Variants in DCTN6 observed in about 807,000 individuals in gnomAD.
DCTN6 encodes the protein dynactin 6.
A neutral mutation model predicts 25.8 loss-of-function variants in DCTN6; 15 were observed. The ratio of observed to expected loss-of-function variants is 0.58; its 90% CI spans 0.39 to 0.89. DCTN6 has a LOEUF of 0.89. Ranked by LOEUF, DCTN6 falls within the 40% of genes least tolerant of loss-of-function variation. The pLI is 0.00. For missense variants in DCTN6, 198 were observed against 237.6 expected (o/e 0.83, Z 1.09); for synonymous variants, 64 against 78.3 (o/e 0.82, Z 0.96).
intron 1 of DCTN6, among the ~76,000 whole-genome samples, chr8:30,163,471 A>G (rs1803622863): frequency 6.6e-6 from 1 of 152,066 alleles, no homozygotes. Flanking sequence ...TGGCCATGTA[A>G]TAGTCCATAA....
intron 4 of DCTN6, among the ~76,000 whole-genome samples, chr8:30,178,878 A>G (rs1384954644): frequency 6.6e-6 from 1 of 152,112 alleles, no homozygotes; most frequent in African/African-American, 2.4e-5. Flanking sequence ...CTGGTCCTTG[A>G]ACCCCTAGGC....
chr8:30,178,653 T>C (rs1264606357), intron 4 of DCTN6, among the ~76,000 whole-genome samples: 3 of 149,810 alleles, frequency 2.0e-5, no homozygotes, highest in African/African-American at 7.3e-5. Context: ...TTTTTAAAGA[T>C]TTTTTTTTTA....
At chr8:30,168,127 G>A (rs1457583595) in intron 2 of DCTN6, among the ~76,000 whole-genome samples, 1 of 152,178 alleles carries the variant, frequency 6.6e-6, no homozygotes, top group Non-Finnish European at 1.5e-5. Context: ...ATACTGAGGA[G>A]AAAAACTCAA....
chr8:30,166,304 GT>G (rs981212198), intron 2 of DCTN6, among the ~76,000 whole-genome samples: 12 of 138,574 alleles, frequency 8.7e-5, no homozygotes, highest in Admixed American at 2.2e-4. Flanking sequence ...CCCCGTTTTG[GT>G]TTTTTTTTTC....
chr8:30,177,058 C>A, intron 3 of DCTN6, 68 bp from the exon 4 acceptor site: 1 of 1,290,406 alleles, frequency 7.7e-7, no homozygotes, highest in Non-Finnish European at 1.1e-6. Context: ...AACCCAAATT[C>A]GAAAATGGGA....
At chr8:30,168,473 C>T (rs1160514328) in intron 2 of DCTN6, among the ~76,000 whole-genome samples, 1 of 152,070 alleles carries the variant, frequency 6.6e-6, no homozygotes, top group Non-Finnish European at 1.5e-5. Flanking sequence ...CTTTATTTTT[C>T]ATTTTAGGGC....
intron 2 of DCTN6, among the ~76,000 whole-genome samples, chr8:30,165,062 G>C (rs1803647481): frequency 6.6e-6 from 1 of 152,184 alleles, no homozygotes; most frequent in South Asian, 2.1e-4. Context: ...ATATTGGATG[G>C]CAATGAGCAA....
chr8:30,178,470 T>TAA (rs201060800), intron 4 of DCTN6, among the ~76,000 whole-genome samples: 10 of 79,828 alleles, frequency 1.3e-4, no homozygotes, highest in South Asian at 3.4e-4. Flanking sequence ...TCAAAAAGAT[T>TAA]AAAAAAAAAA....
At chr8:30,175,278 C>T in intron 3 of DCTN6, 88 bp downstream of exon 3, 1 of 1,094,768 alleles carries the variant, frequency 9.1e-7, no homozygotes, top group Non-Finnish European at 1.3e-6. Flanking sequence ...TTTCAGCTGA[C>T]ATCCAGGAGG....
At position 30,180,598 on chromosome 8, in the gene DCTN6, T is replaced by C. The variant is rs756205238; in HGVS notation, c.442T>C (p.Cys148Arg). The C allele has an allele frequency of 1.1e-5, 17 of 1,614,038 alleles. No individual in the cohort carries two copies. The highest frequency in any genetic ancestry group is 1.3e-5 in the African/African-American group (1 of 74,932). Reference sequence around the variant, plus strand: ...GAATACGGTGATCTATGGTGCAGACTGCCTTCGTCGGGTGCAGACTGAGCG... The same window carrying C: ...GAATACGGTGATCTATGGTGCAGACCGCCTTCGTCGGGTGCAGACTGAGCG... ...PENTVIYGAD[C>R]LRRVQTERPQ... Residue 148 changes from cysteine to arginine, a missense_variant, in exon 6 of 7, where the codon TGC becomes CGC. Coordinates refer to ENST00000221114, the MANE Select transcript of DCTN6 (RefSeq NM_006571.4).
At chr8:30,158,344 T>C (rs537596180) in intron 1 of DCTN6, among the ~76,000 whole-genome samples, 1 of 152,288 alleles carries the variant, frequency 6.6e-6, no homozygotes, top group Admixed American at 6.5e-5. Flanking sequence ...TGACCAGGGC[T>C]TAATAAAATT....
At chr8:30,159,454 T>C (rs1307614747) in intron 1 of DCTN6, among the ~76,000 whole-genome samples, 1 of 152,146 alleles carries the variant, frequency 6.6e-6, no homozygotes, top group African/African-American at 2.4e-5. Flanking sequence ...GGGGGGAAGA[T>C]TCTGGCATAG....
intron 5 of DCTN6, 85 bp downstream of exon 5, chr8:30,179,540 T>C: frequency 8.1e-7 from 1 of 1,232,296 alleles, no homozygotes; most frequent in Non-Finnish European, 1.1e-6. Flanking sequence ...ATAGAAACTG[T>C]GGCAAGGTGT....
At chr8:30,174,332 T>TC (rs1803803098) in intron 2 of DCTN6, among the ~76,000 whole-genome samples, 1 of 146,716 alleles carries the variant, frequency 6.8e-6, no homozygotes, top group East Asian at 1.9e-4. Context: ...TATTTCTCCT[T>TC]TTTTTTTTTT....
intron 2 of DCTN6, among the ~76,000 whole-genome samples, chr8:30,174,342 T>C (rs1223111236): frequency 2.0e-5 from 3 of 151,854 alleles, no homozygotes; most frequent in Non-Finnish European, 4.4e-5. Flanking sequence ...TTTTTTTTTT[T>C]CTTTTTTTGA....
At chr8:30,162,523 T>C (rs1803610397) in intron 1 of DCTN6, among the ~76,000 whole-genome samples, 1 of 152,238 alleles carries the variant, frequency 6.6e-6, no homozygotes, top group African/African-American at 2.4e-5. Context: ...TTTAACACCA[T>C]GAATGTCATT....
intron 4 of DCTN6, 32 bp from the exon 5 acceptor site, chr8:30,179,376 A>G (rs1240863042): frequency 3.8e-6 from 6 of 1,580,218 alleles, no homozygotes; most frequent in Non-Finnish European, 5.2e-6. Flanking sequence ...AGATGAACAT[A>G]TTTGTAGTAT....
intron 1 of DCTN6, among the ~76,000 whole-genome samples, chr8:30,159,326 G>T (rs983090261): frequency 5.9e-5 from 9 of 151,822 alleles, no homozygotes; most frequent in African/African-American, 2.2e-4. Flanking sequence ...ACCCTAATTT[G>T]TGGAAGAAAA....
At position 30,176,055 on chromosome 8, in the gene DCTN6, GCTAA is replaced by G. The variant is rs141716615; in HGVS notation, c.194+870_194+873del. On this transcript the variant is annotated intron_variant, in intron 3 of 6. Coordinates refer to ENST00000221114, the MANE Select transcript of DCTN6 (RefSeq NM_006571.4). ...TTTTATCTTCCAAATATTTCAACTA[GCTAA>G]CTAATAGCAATAATTATTTTATGTG... 5.3e-3 allele frequency among the ~76,000 whole-genome samples: 807 copies of G among 152,222 alleles called. 4 individuals carry two copies. The highest frequency in any genetic ancestry group is 0.018 in the African/African-American group (754 of 41,522).
Sources: gnomAD v4.1 joint callset for allele counts (sites outside exome capture counted in the v4.1 genomes callset) on GRCh38, gnomAD v4.1.1 for gene constraint, MANE v1.5 for transcripts, NCBI Gene and HGNC (gene_info 2026-07-23, HGNC 2026-07-21) for gene names.